Variants in ARL8B observed in about 807,000 individuals in gnomAD.
ARL8B encodes the protein ADP-ribosylation factor-like protein 8B.
A neutral mutation model predicts 30.6 loss-of-function variants in ARL8B; 9 were observed. The ratio of observed to expected loss-of-function variants is 0.29; its 90% CI spans 0.18 to 0.51. ARL8B has a LOEUF of 0.51. Ranked by LOEUF, ARL8B falls within the 20% of genes least tolerant of loss-of-function variation. The probability of loss-of-function intolerance (pLI) is 0.97; values close to 1 mark genes in which losing one functional copy is unlikely to be tolerated. For synonymous variants in ARL8B, 74 were observed against 76.0 expected (o/e 0.97, Z 0.14); for missense variants, 130 against 227.2 (o/e 0.57, Z 2.75).
chr3:5,172,804 T>G, intron 4 of ARL8B, 64 bp downstream of exon 4: 1 of 1,032,804 alleles, frequency 9.7e-7, no homozygotes, highest in Non-Finnish European at 1.4e-6. Context: ...ATGGTAATTA[T>G]GCAGTGATAT....
intron 6 of ARL8B, among the ~76,000 whole-genome samples, chr3:5,174,695 GTAATATATATGTAATATGTATTATA>G (rs2054710696): frequency 1.9e-5 from 1 of 52,730 alleles, no homozygotes; most frequent in South Asian, 4.6e-4. Flanking sequence ...TATATTATAT[GTAATATATATGTAATATGTATTATA>G]TATTATATGT....
intron 1 of ARL8B, among the ~76,000 whole-genome samples, chr3:5,163,260 T>A (rs1418347391): frequency 6.6e-6 from 1 of 152,128 alleles, no homozygotes; most frequent in Non-Finnish European, 1.5e-5. Flanking sequence ...GTGCTGTGAT[T>A]ACAGGTGTGA....
chr3:5,153,908 T>C (rs2054509700), intron 1 of ARL8B, among the ~76,000 whole-genome samples: 1 of 149,280 alleles, frequency 6.7e-6, no homozygotes, highest in East Asian at 1.9e-4. Flanking sequence ...TTGCTGAATA[T>C]AGAATTTCAG....
At chr3:5,147,622 ACAGTGGAAAC>A (rs907035053) in intron 1 of ARL8B, among the ~76,000 whole-genome samples, 11 of 152,006 alleles carry the variant, frequency 7.2e-5, no homozygotes, top group African/African-American at 2.7e-4. Context: ...TACCTCTTCC[ACAGTGGAAAC>A]CATGATTTTT....
intron 1 of ARL8B, among the ~76,000 whole-genome samples, chr3:5,164,281 G>A (rs903649240): frequency 2.6e-5 from 4 of 152,118 alleles, no homozygotes; most frequent in African/African-American, 9.7e-5. Context: ...GATTGATTCT[G>A]TTCATGAATT....
At chr3:5,153,442 C>G (rs527574166) in intron 1 of ARL8B, among the ~76,000 whole-genome samples, 7 of 152,204 alleles carry the variant, frequency 4.6e-5, no homozygotes, top group African/African-American at 1.2e-4. Context: ...GAGTGACTTG[C>G]TCCTGCTTGC....
chr3:5,151,611 A>G (rs2054484491), intron 1 of ARL8B, among the ~76,000 whole-genome samples: 1 of 152,146 alleles, frequency 6.6e-6, no homozygotes, highest in African/African-American at 2.4e-5. Flanking sequence ...GTTTCCAGAT[A>G]GCTTTATATT....
intron 1 of ARL8B, 61 bp from the exon 2 acceptor site, chr3:5,170,442 G>A (rs911965356): frequency 1.8e-6 from 2 of 1,106,684 alleles, no homozygotes; most frequent in Non-Finnish European, 2.6e-6. Flanking sequence ...GTTGATATTA[G>A]AAGTTTATGC....
At chr3:5,163,454 C>T (rs747251853) in intron 1 of ARL8B, among the ~76,000 whole-genome samples, 129 of 150,652 alleles carry the variant, frequency 8.6e-4, no homozygotes, top group Non-Finnish European at 1.4e-3. Context: ...AATTATTGAT[C>T]TTTGCAAAAT....
chr3:5,139,521 T>C (rs1211440648), intron 1 of ARL8B, among the ~76,000 whole-genome samples: 1 of 152,212 alleles, frequency 6.6e-6, no homozygotes, highest in Non-Finnish European at 1.5e-5. Context: ...TTTTTTATTC[T>C]AATACAATGG....
At chr3:5,146,586 C>T (rs1449498092) in intron 1 of ARL8B, among the ~76,000 whole-genome samples, 1 of 152,148 alleles carries the variant, frequency 6.6e-6, no homozygotes, top group Non-Finnish European at 1.5e-5. Flanking sequence ...CTAATCGACA[C>T]ATAGGGATTA....
chr3:5,163,346 G>A (rs1345306327), intron 1 of ARL8B, among the ~76,000 whole-genome samples: 2 of 152,022 alleles, frequency 1.3e-5, no homozygotes, highest in African/African-American at 2.4e-5. Context: ...TATTAATATC[G>A]CTGAATCTTT....
chr3:5,155,994 C>T (rs978339595), intron 1 of ARL8B, among the ~76,000 whole-genome samples: 6 of 151,974 alleles, frequency 3.9e-5, no homozygotes, highest in African/African-American at 1.4e-4. Context: ...CCTCCGCCTC[C>T]TAGGTTCAAG....
chr3:5,172,344 A>G (rs942666352), intron 3 of ARL8B, 121 bp downstream of exon 3: 19 of 853,006 alleles, frequency 2.2e-5, no homozygotes, highest in African/African-American at 1.9e-4. Flanking sequence ...TTTCTTAGCT[A>G]ATATCCTAGT....
intron 1 of ARL8B, among the ~76,000 whole-genome samples, chr3:5,162,887 T>C (rs147502622): frequency 1.3e-5 from 2 of 152,236 alleles, no homozygotes; most frequent in African/African-American, 4.8e-5. Context: ...CAGTACCCAA[T>C]AGATAGTTTT....
chr3:5,123,701 A>G (rs956461375), intron 1 of ARL8B, among the ~76,000 whole-genome samples: 1 of 152,226 alleles, frequency 6.6e-6, no homozygotes, highest in Non-Finnish European at 1.5e-5. Flanking sequence ...CACAGCTTTC[A>G]TGTTTGAGAA....
At chr3:5,172,292 G>C (rs974957531) in intron 3 of ARL8B, 69 bp downstream of exon 3, 1 of 1,397,900 alleles carries the variant, frequency 7.2e-7, no homozygotes, top group African/African-American at 1.4e-5. Context: ...GTTTATTTTA[G>C]TATTTCCAGA....
intron 1 of ARL8B, among the ~76,000 whole-genome samples, chr3:5,147,875 T>G (rs2054442725): frequency 6.6e-6 from 1 of 150,566 alleles, no homozygotes; most frequent in Admixed American, 6.7e-5. Flanking sequence ...GAGGGAATTT[T>G]CTCTTTTTCT....
intron 2 of ARL8B, 41 bp downstream of exon 2, chr3:5,170,624 C>G (rs1291624550): frequency 6.9e-7 from 1 of 1,453,514 alleles, no homozygotes. Flanking sequence ...ATTGTTAGCA[C>G]AGACCCCTAG....
Sources: allele counts gnomAD v4.1 joint callset (sites outside exome capture counted in the v4.1 genomes callset), GRCh38; gene constraint gnomAD v4.1.1; transcripts MANE v1.5; gene names NCBI Gene and HGNC (gene_info 2026-07-23, HGNC 2026-07-21).